Variants in ITGA11 observed in about 807,000 individuals in gnomAD.
The protein encoded by ITGA11 is integrin alpha-11.
Under a neutral mutation model 141.9 loss-of-function variants are expected in ITGA11, and 97 were observed. That is an observed-to-expected ratio of 0.68 (90% CI 0.58 to 0.81). The LOEUF is 0.81. ITGA11 is among the 30% of genes least tolerant of loss of function. The pLI, the probability that ITGA11 is intolerant of heterozygous loss-of-function variation, is 0.00. For synonymous variants in ITGA11, 658 were observed against 624.6 expected (o/e 1.05, Z -0.80); for missense variants, 1,387 against 1,559.2 (o/e 0.89, Z 1.86).
chr15:68,427,477 C>G (rs955974186), intron 1 of ITGA11, among the ~76,000 whole-genome samples: 1 of 151,982 alleles, frequency 6.6e-6, no homozygotes, highest in Non-Finnish European at 1.5e-5. Context: ...ATGCACATGC[C>G]AATTATTTCT....
intron 1 of ITGA11, among the ~76,000 whole-genome samples, chr15:68,420,252 GT>G (rs1025268682): frequency 3.3e-5 from 5 of 152,042 alleles, no homozygotes; most frequent in Admixed American, 2.6e-4. Flanking sequence ...CTGCCCCCTT[GT>G]TTCCTAGGAA....
At chr15:68,381,957 G>T (rs75961269) in intron 2 of ITGA11, among the ~76,000 whole-genome samples, 5,154 of 152,264 alleles carry the variant, frequency 0.034, 123 homozygotes, top group East Asian at 0.1. Context: ...CCCAGGCCTC[G>T]CCCCACCTCT....
intron 7 of ITGA11, among the ~76,000 whole-genome samples, chr15:68,354,654 G>T (rs188785156): frequency 1.3e-5 from 2 of 152,240 alleles, no homozygotes; most frequent in East Asian, 3.9e-4. Flanking sequence ...GAATCCCAGG[G>T]TCTTCCCAGG....
chr15:68,322,412 G>A lies in ITGA11; in HGVS notation c.2323-909C>T, dbSNP rs983917491. On this transcript the variant is annotated intron_variant, in intron 18 of 29. Coordinates refer to ENST00000315757, the MANE Select transcript of ITGA11 (RefSeq NM_001004439.2). This position sits in a 1 kb window ranked among gnomAD's most constrained non-coding sequence, Gnocchi z 5.6. ...TCGGGCAAGAGATGACGCTGGTGTC[G>A]GTGTGGTAGTGGGCATGAGAGGAGG... Among the ~76,000 whole-genome samples the A allele has an allele frequency of 3.3e-5, 5 of 152,100 alleles. No homozygotes were observed. Among genetic ancestry groups the A allele is most frequent in the African/African-American group, 1.2e-4 (5 of 41,380 alleles).
At chr15:68,345,376 C>T (rs1894710565) in intron 10 of ITGA11, among the ~76,000 whole-genome samples, 1 of 152,150 alleles carries the variant, frequency 6.6e-6, no homozygotes, top group Admixed American at 6.5e-5. Context: ...GACGTTTTGC[C>T]TTCAGCCTGG....
intron 3 of ITGA11, among the ~76,000 whole-genome samples, chr15:68,366,807 C>T (rs1018333612): frequency 2.0e-5 from 3 of 152,190 alleles, no homozygotes; most frequent in African/African-American, 7.2e-5. Flanking sequence ...CTCCCCCAGC[C>T]CCTGCCCCTC....
Position 68,331,932 on chromosome 15 carries a change from A to AG in ITGA11, c.1696dup (p.Leu566ProfsTer24), listed in dbSNP as rs1365968243. The AG allele has an allele frequency of 6.2e-7, 1 of 1,613,346 alleles. No homozygotes were observed. The highest frequency in any genetic ancestry group is 8.5e-7 in the Non-Finnish European group (1 of 1,179,710). On this transcript the variant is annotated frameshift_variant, in exon 14 of 30. Transcript: ENST00000315757. LOFTEE classifies it high-confidence loss of function. ...GATGGCTCCTGCGTGGTTGTCCTCC[A>AG]GGGGGGCTCCCACCACCACGTCATT...
intron 2 of ITGA11, among the ~76,000 whole-genome samples, chr15:68,396,096 T>C (rs1393488368): frequency 6.6e-6 from 1 of 151,796 alleles, no homozygotes; most frequent in African/African-American, 2.4e-5. Context: ...AAAAAGAAAA[T>C]TTACAGGTCA....
chr15:68,379,049 T>G (rs1050427698), intron 2 of ITGA11, among the ~76,000 whole-genome samples: 1 of 152,240 alleles, frequency 6.6e-6, no homozygotes, highest in Non-Finnish European at 1.5e-5. Flanking sequence ...GGAATAAAAG[T>G]AGCCAACTTG....
rs189900474 is a variant in ITGA11 at position 68,381,186 on chromosome 15, G to C, written c.165-11902C>G. Among the ~76,000 whole-genome samples the C allele has an allele frequency of 1.4e-4, 21 of 152,290 alleles. No individual in the cohort carries two copies. The East Asian group carries it at 3.1e-3, about 22-fold the overall frequency. On this transcript the variant is annotated intron_variant, in intron 2 of 29. Transcript: ENST00000315757. ...GGGATTTTGAAAATAGGGATTACCA[G>C]GCACCACCTCTAGAGGGTCTGTCTT...
chr15:68,428,603 A>G (rs911423633), intron 1 of ITGA11, among the ~76,000 whole-genome samples: 2 of 152,196 alleles, frequency 1.3e-5, no homozygotes, highest in Non-Finnish European at 2.9e-5. Flanking sequence ...AAAGTGGGCA[A>G]TGGGGTGGCA....
Position 68,322,416 on chromosome 15 carries a change from T to G in ITGA11, c.2323-913A>C, listed in dbSNP as rs1893842051. Among the ~76,000 whole-genome samples, 1 of 151,486 alleles carries G rather than the reference T, an allele frequency of 6.6e-6. No homozygotes were observed. Among genetic ancestry groups the G allele is most frequent in the Non-Finnish European group, 1.5e-5 (1 of 67,880 alleles). On this transcript the variant is annotated intron_variant, in intron 18 of 29. Coordinates refer to ENST00000315757, the MANE Select transcript of ITGA11 (RefSeq NM_001004439.2). The surrounding 1 kb of genome is among the most constrained non-coding windows in gnomAD (Gnocchi z 5.6). The stretch of plus-strand genomic sequence containing the variant: ...GCAAGAGATGACGCTGGTGTCGGTG[T>G]GGTAGTGGGCATGAGAGGAGGAAAT...
rs755134344 is a variant in ITGA11 at position 68,361,635 on chromosome 15, T to C, written c.427A>G (p.Asn143Asp). The change falls in exon 5 of 30, where the codon AAC (asparagine) becomes GAC (aspartate). Residue 143 changes from asparagine to aspartate, a missense_variant. Physicochemically the swap from Asn to Asp is conservative, Grantham distance 23. Transcript: ENST00000315757. ...GTCTTGGAGAACCTGAAGTTGGAGT[T>C]GACTCTTGAACACATCCCTGTGGTG... is the stretch of plus-strand genomic sequence containing the variant. ...YYTTGMCSRVNSNFRFSKTVA... is the reference protein window; with the variant it reads ...YYTTGMCSRVDSNFRFSKTVA... 1.2e-6 allele frequency: 2 copies of C among 1,610,596 alleles called. No individual in the cohort carries two copies. The highest frequency in any genetic ancestry group is 1.7e-6 in the Non-Finnish European group (2 of 1,178,484).
At chr15:68,401,858 A>G (rs1896519742) in intron 2 of ITGA11, among the ~76,000 whole-genome samples, 2 of 152,204 alleles carry the variant, frequency 1.3e-5, no homozygotes, top group Non-Finnish European at 2.9e-5. Context: ...TAGAAAGATA[A>G]TAAGTAAGAT....
intron 26 of ITGA11, among the ~76,000 whole-genome samples, chr15:68,309,793 G>A (rs1290728527): frequency 6.6e-6 from 1 of 152,012 alleles, no homozygotes; most frequent in African/African-American, 2.4e-5. Context: ...GTTTCACTAT[G>A]CTGGCCAGGC....
At position 68,321,219 on chromosome 15, in the gene ITGA11, T is replaced by C. The variant is rs1186196472; in HGVS notation, c.2408+199A>G. On this transcript the variant is annotated intron_variant, in intron 19 of 29. Transcript: ENST00000315757. This position sits in a 1 kb window ranked among gnomAD's most constrained non-coding sequence, Gnocchi z 4.9. ...AAATTAGATTAGACTAGTAGTTTCA[T>C]ATTACAGAAGAGACTTTCCTGAGGT... 2.0e-5 allele frequency among the ~76,000 whole-genome samples: 3 copies of C among 151,962 alleles called. No individual in the cohort carries two copies. Among genetic ancestry groups the C allele is most frequent in the Non-Finnish European group, 4.4e-5 (3 of 67,994 alleles).
chr15:68,425,640 C>T (rs11629808), intron 1 of ITGA11, among the ~76,000 whole-genome samples: 59,761 of 152,090 alleles, frequency 0.39, 12,122 homozygotes, highest in Non-Finnish European at 0.45. Context: ...TCACCTGGCC[C>T]GGCCTGACTG....
Position 68,317,337 on chromosome 15 carries a change from A to G in ITGA11, c.2643T>C (p.Cys881=). 2 of 1,613,666 alleles carry G rather than the reference A, an allele frequency of 1.2e-6. No homozygotes were observed. Among genetic ancestry groups the G allele is most frequent in the South Asian group, 2.2e-5 (2 of 91,078 alleles). ...QKEDSDGSIE[C]VNEERRLQKQ... Reference sequence around the variant, plus strand: ...TCTGGAGCCTCCTCTCCTCGTTCACACACTCAATGCTACCGTCTGAGTCCT... The same window carrying G: ...TCTGGAGCCTCCTCTCCTCGTTCACGCACTCAATGCTACCGTCTGAGTCCT... The change falls in exon 21 of 30, where the codon TGT becomes TGC. Residue 881 remains cysteine (C), a synonymous_variant. Transcript: ENST00000315757.
In ITGA11 at chr15:68,301,740, T is replaced by C. The variant is rs1054642868; in HGVS notation, c.*1319A>G. On this transcript the variant is annotated 3_prime_UTR_variant, in exon 30 of 30. Transcript: ENST00000315757. This position sits in a 1 kb window ranked among gnomAD's most constrained non-coding sequence, Gnocchi z 4.4. The stretch of plus-strand genomic sequence containing the variant: ...CACTGTATTTTTAATTTTTCAAAAA[T>C]ACGACAGTAAAGGTCGTACTATGCA... The C allele has an allele frequency of 2.0e-5, 3 of 152,652 alleles. No homozygotes were observed. The highest frequency in any genetic ancestry group is 4.4e-5 in the Non-Finnish European group (3 of 68,052). The allele number at this position is 152,652 out of a possible 1,614,324, so 9.5% of individuals were successfully genotyped here.
Sources: gnomAD v4.1 joint callset for allele counts (sites outside exome capture counted in the v4.1 genomes callset) on GRCh38, gnomAD v4.1.1 for gene constraint, Gnocchi (gnomAD v3.1) non-coding constraint, MANE v1.5 for transcripts, NCBI Gene and HGNC (gene_info 2026-07-23, HGNC 2026-07-21) for gene names.